RAB3C: variants seen among roughly 807,000 people sequenced by gnomAD.
RAB3C encodes ras-related protein Rab-3C.
A neutral mutation model predicts 26.4 loss-of-function variants in RAB3C; 17 were observed. The ratio of observed to expected loss-of-function variants is 0.64; its 90% CI spans 0.44 to 0.97. RAB3C has a LOEUF of 0.97. Among genes scored for constraint, RAB3C ranks in the 50% least tolerant of loss-of-function variants. The pLI is 0.00. For missense variants in RAB3C, 242 were observed against 281.9 expected, an observed-to-expected ratio of 0.86 and a Z score of 1.01; for synonymous variants, 91 against 95.9, an observed-to-expected ratio of 0.95 and a Z score of 0.30.
At chr5:58,748,516 T>C (rs2111958733) in intron 3 of RAB3C, among the ~76,000 whole-genome samples, 1 of 152,314 alleles carries the variant, frequency 6.6e-6, no homozygotes, top group Non-Finnish European at 1.5e-5. Context: ...CTCAACTCTT[T>C]AATCTGGGGA....
At chr5:58,600,794 G>C (rs559206557) in intron 1 of RAB3C, among the ~76,000 whole-genome samples, 1 of 152,238 alleles carries the variant, frequency 6.6e-6, no homozygotes, top group South Asian at 2.1e-4. Flanking sequence ...TCAGCAAACA[G>C]TGACAGTTTC....
At chr5:58,627,711 G>T (rs1371980120) in intron 2 of RAB3C, among the ~76,000 whole-genome samples, 1 of 152,088 alleles carries the variant, frequency 6.6e-6, no homozygotes, top group Admixed American at 6.6e-5. Context: ...TGCCACTGTG[G>T]CAGCTAAACA....
At chr5:58,711,630 G>A (rs568661359) in intron 2 of RAB3C, among the ~76,000 whole-genome samples, 11 of 152,196 alleles carry the variant, frequency 7.2e-5, no homozygotes, top group African/African-American at 1.2e-4. Flanking sequence ...CATTACATAC[G>A]TTAATTCTCA....
At chr5:58,816,650 G>A (rs1395624612) in intron 3 of RAB3C, among the ~76,000 whole-genome samples, 1 of 151,896 alleles carries the variant, frequency 6.6e-6, no homozygotes, top group Admixed American at 6.6e-5. Flanking sequence ...ACTTAAATTG[G>A]GCCCTCAAAT....
intron 2 of RAB3C, among the ~76,000 whole-genome samples, chr5:58,625,889 T>G (rs1176521821): frequency 3.9e-5 from 6 of 152,082 alleles, no homozygotes; most frequent in Non-Finnish European, 7.4e-5. Context: ...TACCATAGTT[T>G]TGGTAACAGA....
intron 4 of RAB3C, among the ~76,000 whole-genome samples, chr5:58,830,915 C>T (rs1743599754): frequency 6.6e-6 from 1 of 151,962 alleles, no homozygotes; most frequent in Non-Finnish European, 1.5e-5. Flanking sequence ...CTCTGTTGCC[C>T]AGGCTGGAGT....
At chr5:58,697,521 G>A (rs888993726) in intron 2 of RAB3C, among the ~76,000 whole-genome samples, 1 of 152,068 alleles carries the variant, frequency 6.6e-6, no homozygotes, top group South Asian at 2.1e-4. Flanking sequence ...TTGGCAGTAG[G>A]GTGTTAAAGT....
chr5:58,687,767 C>T (rs1170212942), intron 2 of RAB3C, among the ~76,000 whole-genome samples: 2 of 152,026 alleles, frequency 1.3e-5, no homozygotes, highest in Admixed American at 6.6e-5. Flanking sequence ...AAGATGCACT[C>T]AAGATATACT....
At chr5:58,845,738 A>C (rs1325195514) in intron 4 of RAB3C, among the ~76,000 whole-genome samples, 1 of 151,070 alleles carries the variant, frequency 6.6e-6, no homozygotes, top group Non-Finnish European at 1.5e-5. Context: ...CACCCATTTG[A>C]AGTGTACAAT....
chr5:58,740,092 A>C (rs911965338), intron 3 of RAB3C, among the ~76,000 whole-genome samples: 2 of 152,252 alleles, frequency 1.3e-5, no homozygotes, highest in South Asian at 2.1e-4. Flanking sequence ...CACACTTGTT[A>C]GTATCTGGTT....
chr5:58,732,036 G>A (rs1283923708), intron 3 of RAB3C, among the ~76,000 whole-genome samples: 2 of 151,774 alleles, frequency 1.3e-5, no homozygotes, highest in Admixed American at 6.6e-5. Context: ...AGATCTGAGG[G>A]GTTGCATAAA....
At chr5:58,621,914 G>A (rs551568418) in intron 2 of RAB3C, among the ~76,000 whole-genome samples, 1 of 152,326 alleles carries the variant, frequency 6.6e-6, no homozygotes, top group Non-Finnish European at 1.5e-5. Context: ...GGAAGAGCCT[G>A]AGTGGGAAAG....
chr5:58,731,615 G>A (rs1741021951), intron 3 of RAB3C, among the ~76,000 whole-genome samples: 1 of 152,072 alleles, frequency 6.6e-6, no homozygotes, highest in Non-Finnish European at 1.5e-5. Context: ...GAGGGTGTTG[G>A]GATTTGCAAA....
rs1744266508 is a variant in RAB3C at position 58,856,649 on chromosome 5, T to C, written c.*5298T>C. On this transcript the variant is annotated 3_prime_UTR_variant, in exon 5 of 5. Transcript: ENST00000282878. ...AAGTGAGAGTTGGCTGTGGCTTTAT[T>C]TCTTGAGGCAAATTATTTTGCATTC... 6.6e-6 allele frequency: 1 copy of C among 152,220 alleles called. No homozygotes were observed. The highest frequency in any genetic ancestry group is 1.5e-5 in the Non-Finnish European group (1 of 68,050). The allele number at this position is 152,220 out of a possible 1,614,324, so 9.4% of individuals were successfully genotyped here. A position where few individuals can be genotyped will look rare whatever the true frequency, so the allele number is the denominator to read the frequency against.
chr5:58,707,692 A>T (rs1255840380), intron 2 of RAB3C, among the ~76,000 whole-genome samples: 1 of 152,188 alleles, frequency 6.6e-6, no homozygotes, highest in Non-Finnish European at 1.5e-5. Context: ...GAAGGTACAC[A>T]TTCCCAGACT....
At chr5:58,655,525 A>G (rs756849782) in intron 2 of RAB3C, among the ~76,000 whole-genome samples, 14 of 152,196 alleles carry the variant, frequency 9.2e-5, no homozygotes, top group Non-Finnish European at 1.9e-4. Context: ...TGTTAAGGGA[A>G]CTAAGAACTA....
chr5:58,679,096 C>G (rs1337684562), intron 2 of RAB3C, among the ~76,000 whole-genome samples: 8 of 152,002 alleles, frequency 5.3e-5, no homozygotes, highest in Non-Finnish European at 1.2e-4. Context: ...GTCCTATGAA[C>G]AAGAACACGA....
chr5:58,707,988 C>CT (rs35213627), intron 2 of RAB3C, among the ~76,000 whole-genome samples: 67,934 of 142,434 alleles, frequency 0.48, 17,118 homozygotes, highest in Non-Finnish European at 0.58. Flanking sequence ...TCTTTCTTTC[C>CT]TTTTTTTTTT....
At chr5:58,683,186 A>G (rs1748381517) in intron 2 of RAB3C, among the ~76,000 whole-genome samples, 1 of 152,236 alleles carries the variant, frequency 6.6e-6, no homozygotes, top group Non-Finnish European at 1.5e-5. Context: ...TACACCATGT[A>G]TATCTCTTTG....
Sources: gnomAD v4.1 joint callset for allele counts (sites outside exome capture counted in the v4.1 genomes callset) on GRCh38, gnomAD v4.1.1 for gene constraint, MANE v1.5 for transcripts, NCBI Gene and HGNC (gene_info 2026-07-23, HGNC 2026-07-21) for gene names.